Variants in ACER3 observed in about 807,000 individuals in gnomAD.
ACER3 encodes the protein alkaline ceramidase 3.
ACER3 carries 16 observed loss-of-function variants against 48.9 expected under a neutral mutation model. That is an observed-to-expected ratio of 0.33 (90% CI 0.22 to 0.50). The LOEUF (loss-of-function observed/expected upper bound fraction) is 0.50, where lower values mean the gene tolerates loss of function less well. ACER3 is among the 20% of genes least tolerant of loss of function. The pLI, the probability that ACER3 is intolerant of heterozygous loss-of-function variation, is 0.98. For missense variants in ACER3, 227 were observed against 326.0 expected, an observed-to-expected ratio of 0.70 and a Z score of 2.34; for synonymous variants, 109 against 107.8, an observed-to-expected ratio of 1.01 and a Z score of -0.07.
At position 76,934,213 on chromosome 11, in the gene ACER3, C is replaced by T. The variant is rs911513786; in HGVS notation, c.214+7546C>T. Among the ~76,000 whole-genome samples, 222 of 151,354 alleles carry T rather than the reference C, an allele frequency of 1.5e-3. 1 individual carries two copies. In the Middle Eastern group the frequency reaches 0.028, roughly 19 times the overall value. ...CTCCTCACTTTCCAGACTGGGCAGC[C>T]AGGCAGAGGGGCTCCTCACGTCCTA... is the stretch of plus-strand genomic sequence containing the variant. On this transcript the variant is annotated intron_variant, in intron 2 of 10. Transcript: ENST00000532485.
At position 76,947,449 on chromosome 11, in the gene ACER3, C is replaced by T. The variant is rs535732838; in HGVS notation, c.215-11530C>T. 7.9e-5 allele frequency among the ~76,000 whole-genome samples: 12 copies of T among 152,280 alleles called. No homozygotes were observed. The South Asian group carries it at 2.1e-3, about 26-fold the overall frequency. On this transcript the variant is annotated intron_variant, in intron 2 of 10. Transcript: ENST00000532485. ...CACTGCCAGAGTAAATAAAAGTCAT[C>T]TTAAGTGATCTTAACAATATTTTAC...
At chr11:76,939,496 T>TAGTCA (rs1947283282) in intron 2 of ACER3, among the ~76,000 whole-genome samples, 1 of 152,206 alleles carries the variant, frequency 6.6e-6, no homozygotes, top group African/African-American at 2.4e-5. Context: ...GTCAGAAGGC[T>TAGTCA]GAGGCAGGAG....
intron 1 of ACER3, among the ~76,000 whole-genome samples, chr11:76,876,790 C>A (rs1419643587): frequency 6.6e-6 from 1 of 152,136 alleles, no homozygotes; most frequent in Non-Finnish European, 1.5e-5. Flanking sequence ...TGTCTTCTTT[C>A]GTTTCCTTGC....
At chr11:77,008,104 C>T (rs781955825) in intron 7 of ACER3, among the ~76,000 whole-genome samples, 1 of 152,120 alleles carries the variant, frequency 6.6e-6, no homozygotes, top group Non-Finnish European at 1.5e-5. Flanking sequence ...ATGGAACTCA[C>T]CACTGTATCA....
chr11:76,912,169 T>C (rs1405338631), intron 1 of ACER3, among the ~76,000 whole-genome samples: 1 of 152,200 alleles, frequency 6.6e-6, no homozygotes, highest in African/African-American at 2.4e-5. Context: ...GAGTATTCCT[T>C]AAGTTCAGTG....
chr11:76,908,412 A>G (rs2134708892), intron 1 of ACER3, among the ~76,000 whole-genome samples: 1 of 152,240 alleles, frequency 6.6e-6, no homozygotes, highest in Non-Finnish European at 1.5e-5. Context: ...GTCTCAGGAT[A>G]CAAAATGTGC....
chr11:76,876,170 A>T (rs1945375008), intron 1 of ACER3, among the ~76,000 whole-genome samples: 1 of 152,120 alleles, frequency 6.6e-6, no homozygotes, highest in South Asian at 2.1e-4. Flanking sequence ...CTCTATCAAG[A>T]TGTGGAACTT....
Position 77,019,499 on chromosome 11 carries a change from T to C in ACER3, c.705-232T>C, listed in dbSNP as rs1329510512. On this transcript the variant is annotated intron_variant, in intron 9 of 10. Transcript: ENST00000532485. ...TGCTAAATATACTCTGCTTGTGCTCTATAAAATGGAACAACAAAGCCTAGA... is the reference window on the plus strand; with the variant it reads ...TGCTAAATATACTCTGCTTGTGCTCCATAAAATGGAACAACAAAGCCTAGA... The C allele has an allele frequency of 9.3e-6, 5 of 538,506 alleles. No homozygotes were observed. The South Asian group carries it at 1.2e-4, about 13-fold the overall frequency. 33.4% of individuals were successfully genotyped at this position (538,506 alleles called of 1,614,324 possible).
intron 6 of ACER3, among the ~76,000 whole-genome samples, chr11:76,992,663 T>G (rs1948826880): frequency 6.6e-6 from 1 of 152,176 alleles, no homozygotes; most frequent in Non-Finnish European, 1.5e-5. Flanking sequence ...AAGACATTCT[T>G]TCATTCAACA....
chr11:76,891,425 C>T (rs956141289), intron 1 of ACER3, among the ~76,000 whole-genome samples: 6 of 152,036 alleles, frequency 3.9e-5, no homozygotes, highest in African/African-American at 7.2e-5. Context: ...CTGACCAAGG[C>T]AGGACTCTAA....
intron 2 of ACER3, among the ~76,000 whole-genome samples, chr11:76,940,619 T>C (rs752674657): frequency 1.3e-5 from 2 of 152,186 alleles, no homozygotes; most frequent in Non-Finnish European, 2.9e-5. Flanking sequence ...AGGAGTATTT[T>C]TCTGACTTAA....
chr11:76,972,953 G>A (rs188170985), intron 3 of ACER3, among the ~76,000 whole-genome samples: 131 of 152,366 alleles, frequency 8.6e-4, no homozygotes, highest in African/African-American at 2.9e-3. Flanking sequence ...CAAGGTGCCC[G>A]ACAGTAACTG....
intron 1 of ACER3, among the ~76,000 whole-genome samples, chr11:76,888,214 G>A (rs555525984): frequency 6.6e-6 from 1 of 152,244 alleles, no homozygotes; most frequent in African/African-American, 2.4e-5. Context: ...CTGGTATAAA[G>A]CTGTTGTGTA....
At chr11:77,010,527 A>G (rs1555021961) in intron 7 of ACER3, among the ~76,000 whole-genome samples, 1 of 152,184 alleles carries the variant, frequency 6.6e-6, no homozygotes, top group African/African-American at 2.4e-5. Context: ...CCAACATCAA[A>G]AAGGAGACAG....
At chr11:76,973,485 C>A (rs779550702) in intron 3 of ACER3, among the ~76,000 whole-genome samples, 5 of 152,114 alleles carry the variant, frequency 3.3e-5, no homozygotes, top group Non-Finnish European at 7.4e-5. Context: ...CTCAAAGGGA[C>A]GGACATGTCC....
At chr11:77,005,996 T>TATATATATACATATATATATATA (rs1272310391) in intron 7 of ACER3, among the ~76,000 whole-genome samples, 1 of 88,908 alleles carries the variant, frequency 1.1e-5, no homozygotes, top group African/African-American at 3.4e-5. Flanking sequence ...TATATATTTT[T>TATATATATACATATATATATATA]TTTTTTTTTT....
At chr11:76,961,909 A>C (rs1948004475) in intron 3 of ACER3, among the ~76,000 whole-genome samples, 1 of 150,542 alleles carries the variant, frequency 6.6e-6, no homozygotes, top group African/African-American at 2.5e-5. Context: ...GGGAGAAAGA[A>C]TACCTTTACA....
At chr11:76,876,056 A>C (rs111353226) in intron 1 of ACER3, among the ~76,000 whole-genome samples, 16,511 of 152,084 alleles carry the variant, frequency 0.11, 2,963 homozygotes, top group African/African-American at 0.37. Context: ...CAGCCTCCCA[A>C]AGTGCTGGGA....
rs576944385 is a variant in ACER3 at position 76,983,321 on chromosome 11, CT to C, written c.321-2314del. Among the ~76,000 whole-genome samples, 99 of 151,916 alleles carry C rather than the reference CT, an allele frequency of 6.5e-4. 1 individual carries two copies. The highest frequency in any genetic ancestry group is 2.3e-3 in the African/African-American group (96 of 41,412). ...TAGGATGCTATTTTCAATAGTATTG[CT>C]TTTTTTTCTTTTTTGACATGGGGTC... On this transcript the variant is annotated intron_variant, in intron 4 of 10. Transcript: ENST00000532485.
Sources: gnomAD v4.1 joint callset for allele counts (sites outside exome capture counted in the v4.1 genomes callset) on GRCh38, gnomAD v4.1.1 for gene constraint, MANE v1.5 for transcripts, NCBI Gene and HGNC (gene_info 2026-07-23, HGNC 2026-07-21) for gene names.